The following KSR1 variants were observed in gnomAD, a reference collection of about 807,000 sequenced individuals.
KSR1 encodes the protein kinase suppressor of ras 1.
A neutral mutation model predicts 92.9 loss-of-function variants in KSR1; 35 were observed. The observed-to-expected ratio is 0.38, with a 90% CI of 0.29 to 0.50. KSR1 has a LOEUF of 0.50. Among genes scored for constraint, KSR1 ranks in the 20% least tolerant of loss-of-function variants. The pLI is 0.94. For missense variants in KSR1, 972 were observed against 1,158.5 expected, an observed-to-expected ratio of 0.84 and a Z score of 2.34; for synonymous variants, 467 against 472.6, an observed-to-expected ratio of 0.99 and a Z score of 0.15.
At chr17:27,500,174 G>A (rs2069126892) in intron 1 of KSR1, among the ~76,000 whole-genome samples, 1 of 152,204 alleles carries the variant, frequency 6.6e-6, no homozygotes, top group Non-Finnish European at 1.5e-5. Flanking sequence ...GGGTCAGTGG[G>A]ACAAGGGAGG....
intron 1 of KSR1, among the ~76,000 whole-genome samples, chr17:27,490,586 G>A (rs1465591152): frequency 6.6e-6 from 1 of 152,168 alleles, no homozygotes; most frequent in Non-Finnish European, 1.5e-5. Flanking sequence ...AAGACCTGGG[G>A]GGTCTTCCTG....
At chr17:27,570,463 C>G (rs1312881878) in intron 2 of KSR1, among the ~76,000 whole-genome samples, 1 of 152,236 alleles carries the variant, frequency 6.6e-6, no homozygotes, top group African/African-American at 2.4e-5. Flanking sequence ...TTGAACCCCT[C>G]TCATCTCTTT....
chr17:27,611,474 A>C lies in KSR1; in HGVS notation c.2358-20A>C, dbSNP rs775410036. The C allele has an allele frequency of 6.2e-7, 1 of 1,613,766 alleles. No individual in the cohort carries two copies. Among genetic ancestry groups the C allele is most frequent in the South Asian group, 1.1e-5 (1 of 91,062 alleles). ...GGCACAGCGGCCCAGGAGCTCACAGACATGGCTGGGTCTCTGCAGGACTGT... is the reference window on the plus strand; with the variant it reads ...GGCACAGCGGCCCAGGAGCTCACAGCCATGGCTGGGTCTCTGCAGGACTGT... On this transcript the variant is annotated intron_variant, in intron 17 of 20. Coordinates refer to ENST00000644974, the MANE Select transcript of KSR1 (RefSeq NM_001394583.1).
At chr17:27,476,356 C>T (rs2068345218) in intron 1 of KSR1, among the ~76,000 whole-genome samples, 1 of 152,220 alleles carries the variant, frequency 6.6e-6, no homozygotes, top group African/African-American at 2.4e-5. Flanking sequence ...TTGCCACCCC[C>T]TCCTGAGGGT....
intron 1 of KSR1, among the ~76,000 whole-genome samples, chr17:27,477,386 G>T (rs1413052257): frequency 6.6e-6 from 1 of 152,122 alleles, no homozygotes; most frequent in Admixed American, 6.5e-5. Flanking sequence ...AGCTGCCCTG[G>T]AAACACCAGA....
At chr17:27,477,978 A>G (rs576949438) in intron 1 of KSR1, among the ~76,000 whole-genome samples, 1 of 152,160 alleles carries the variant, frequency 6.6e-6, no homozygotes, top group African/African-American at 2.4e-5. Flanking sequence ...TGGCCTCCCA[A>G]AGTGCTGGGA....
chr17:27,564,841 C>G (rs535552925), intron 2 of KSR1, among the ~76,000 whole-genome samples: 4 of 150,460 alleles, frequency 2.7e-5, no homozygotes, highest in Admixed American at 2.0e-4. Flanking sequence ...AACTTTTCCT[C>G]CCTCAGAGAT....
intron 1 of KSR1, among the ~76,000 whole-genome samples, chr17:27,520,661 C>T (rs184806587): frequency 1.7e-3 from 253 of 152,354 alleles, no homozygotes; most frequent in African/African-American, 5.5e-3. Context: ...TTTGTCCGGA[C>T]GAGGCCTCTC....
At chr17:27,546,703 G>C (rs1029207349) in intron 1 of KSR1, among the ~76,000 whole-genome samples, 2 of 152,294 alleles carry the variant, frequency 1.3e-5, no homozygotes, top group East Asian at 3.9e-4. Context: ...GGAAGTTGGA[G>C]CCCTGGTTTT....
intron 1 of KSR1, among the ~76,000 whole-genome samples, chr17:27,538,099 C>T (rs2070817160): frequency 6.6e-6 from 1 of 152,198 alleles, no homozygotes; most frequent in Non-Finnish European, 1.5e-5. Context: ...GGGATACCTT[C>T]TTTTTGCTGT....
intron 1 of KSR1, among the ~76,000 whole-genome samples, chr17:27,468,358 C>T (rs1284737710): frequency 6.6e-6 from 1 of 152,036 alleles, no homozygotes; most frequent in African/African-American, 2.4e-5. Flanking sequence ...GCCTCTGCCT[C>T]CCAAGTAGCT....
intron 10 of KSR1, 70 bp from the exon 11 acceptor site, chr17:27,601,290 C>T: frequency 1.4e-6 from 2 of 1,379,534 alleles, no homozygotes; most frequent in East Asian, 2.3e-5. Context: ...AAGCCGGTAC[C>T]TGCAATTCCG....
intron 2 of KSR1, among the ~76,000 whole-genome samples, chr17:27,574,680 T>G (rs1006286986): frequency 6.6e-6 from 1 of 152,164 alleles, no homozygotes; most frequent in African/African-American, 2.4e-5. Flanking sequence ...TTTTGACGCT[T>G]GAGACAAGGA....
chr17:27,569,457 C>T (rs2072219886), intron 2 of KSR1, among the ~76,000 whole-genome samples: 1 of 152,228 alleles, frequency 6.6e-6, no homozygotes, highest in Non-Finnish European at 1.5e-5. Flanking sequence ...GAGGAGGAGC[C>T]AGGCCCAGGG....
At chr17:27,531,267 ACAAAGGTG>A (rs1236567053) in intron 1 of KSR1, among the ~76,000 whole-genome samples, 2 of 152,238 alleles carry the variant, frequency 1.3e-5, no homozygotes, top group African/African-American at 4.8e-5. Context: ...GAGGCTGTGC[ACAAAGGTG>A]CAGAGTCCTG....
rs771941833 is a variant in KSR1, at chr17:27,617,305, C to T, written c.2504C>T (p.Ser835Leu). Residue 835 changes from serine (S) to leucine (L), a missense_variant, in exon 19 of 21, where the codon TCG (serine) becomes TTG (leucine). By Grantham distance (145) the Ser-to-Leu change is moderately radical. Around this residue, in one of 5 missense-constraint regions of KSR1, gnomAD observed 260 missense variants for 375.2 expected, o/e 0.69. Coordinates refer to ENST00000644974, the MANE Select transcript of KSR1 (RefSeq NM_001394583.1). ...CAGCTCCATTTGCAGGAGATCCTGT[C>T]GGCCTGCTGGGCTTTCGACCTGCAG... The part of the protein sequence containing the change: ...SLGKEVSEIL[S>L]ACWAFDLQER... The T allele has an allele frequency of 2.1e-5, 33 of 1,606,666 alleles. No homozygotes were observed. Among genetic ancestry groups the T allele is most frequent in the Admixed American group, 3.3e-5 (2 of 59,720 alleles).
At chr17:27,609,518 C>T (rs922436742) in intron 16 of KSR1, among the ~76,000 whole-genome samples, 189 bp downstream of exon 16, 4 of 152,184 alleles carry the variant, frequency 2.6e-5, no homozygotes, top group East Asian at 3.9e-4. Context: ...ATTCTCAGGC[C>T]GACTTCCACG....
Position 27,592,346 on chromosome 17 carries a change from C to T in KSR1, c.1131-15C>T, listed in dbSNP as rs182373469. The T allele has an allele frequency of 1.1e-4, 180 of 1,613,204 alleles. 2 individuals carry two copies. In the Admixed American group the frequency reaches 2.9e-3, roughly 26 times the overall value. On this transcript the variant is annotated splice_polypyrimidine_tract_variant and intron_variant, in intron 7 of 20. Transcript: ENST00000644974. ...CATGTGGTGCTTTGCACACCAACCTCCCCTTCTTTACCAGGTTGAAGTGTC... is the reference window on the plus strand; with the variant it reads ...CATGTGGTGCTTTGCACACCAACCTTCCCTTCTTTACCAGGTTGAAGTGTC...
intron 2 of KSR1, among the ~76,000 whole-genome samples, chr17:27,561,958 G>A (rs946380990): frequency 1.3e-5 from 2 of 152,180 alleles, no homozygotes; most frequent in East Asian, 3.8e-4. Flanking sequence ...TGATTCTTGT[G>A]CCTCAGCCTC....
Sources: gnomAD v4.1 joint callset for allele counts (sites outside exome capture counted in the v4.1 genomes callset) on GRCh38, gnomAD v4.1.1 for gene constraint, gnomAD v4.1.1 regional missense constraint, MANE v1.5 for transcripts, NCBI Gene and HGNC (gene_info 2026-07-23, HGNC 2026-07-21) for gene names.